The following SSH2 variants were observed in gnomAD, a reference collection of about 807,000 sequenced individuals.
SSH2 encodes the protein protein phosphatase Slingshot homolog 2.
A neutral mutation model predicts 135.2 loss-of-function variants in SSH2; 37 were observed. The ratio of observed to expected loss-of-function variants is 0.27; its 90% CI spans 0.21 to 0.36. The LOEUF is 0.36. Ranked by LOEUF, SSH2 falls within the 10% of genes least tolerant of loss-of-function variation. The pLI is 1.00. For missense variants in SSH2, 1,408 were observed against 1,765.3 expected (o/e 0.80, Z 3.63); for synonymous variants, 628 against 646.2 (o/e 0.97, Z 0.43).
At chr17:29,925,705 T>C (rs2151491224) in intron 1 of SSH2, 1 of 296,938 alleles carries the variant, frequency 3.4e-6, no homozygotes, top group African/African-American at 2.3e-5. Context: ...AGACCCCATC[T>C]AAAAAAAAAA....
chr17:29,791,006 G>C (rs2042055617), intron 3 of SSH2, among the ~76,000 whole-genome samples: 2 of 152,086 alleles, frequency 1.3e-5, no homozygotes, highest in Non-Finnish European at 1.5e-5. Context: ...GGGATTACAG[G>C]TGTGAGCCAC....
In SSH2 at chr17:29,652,744, C is replaced by T. The variant is rs184895556; in HGVS notation, c.1080-1944G>A. Among the ~76,000 whole-genome samples the T allele has an allele frequency of 1.1e-3, 168 of 152,208 alleles. 1 individual carries two copies. Among genetic ancestry groups the T allele is most frequent in the African/African-American group, 3.9e-3 (161 of 41,530 alleles). On this transcript the variant is annotated intron_variant, in intron 12 of 15. Coordinates refer to ENST00000540801, the MANE Select transcript of SSH2 (RefSeq NM_001282129.2). ...CACGATCTTGGCTCTCTGCAACCTC[C>T]GCCTCCCCGTTCAAGCAATTCTCCT...
chr17:29,665,990 C>T (rs1264588262), intron 11 of SSH2, among the ~76,000 whole-genome samples: 1 of 152,190 alleles, frequency 6.6e-6, no homozygotes, highest in East Asian at 1.9e-4. Context: ...CAGCTCTGCT[C>T]AGATATATCA....
chr17:29,812,687 G>A (rs568864563), intron 2 of SSH2, among the ~76,000 whole-genome samples: 1 of 152,002 alleles, frequency 6.6e-6, no homozygotes, highest in East Asian at 1.9e-4. Flanking sequence ...TCAGGAGATC[G>A]AGACCATCCT....
At chr17:29,766,996 C>T (rs574553309) in intron 3 of SSH2, among the ~76,000 whole-genome samples, 2 of 152,258 alleles carry the variant, frequency 1.3e-5, no homozygotes, top group South Asian at 4.1e-4. Context: ...TCATGTTTTG[C>T]AATCACCATG....
chr17:29,856,805 T>G (rs1195032514), intron 1 of SSH2, among the ~76,000 whole-genome samples: 1 of 152,158 alleles, frequency 6.6e-6, no homozygotes, highest in Non-Finnish European at 1.5e-5. Flanking sequence ...TAGATGTTCT[T>G]TCTCCAAAAT....
intron 8 of SSH2, among the ~76,000 whole-genome samples, chr17:29,674,888 C>A (rs769111732): frequency 4.6e-4 from 70 of 152,180 alleles, no homozygotes; most frequent in Non-Finnish European, 8.4e-4. Context: ...GCAAAGCCAT[C>A]CTGGGCTGCA....
intron 11 of SSH2, among the ~76,000 whole-genome samples, chr17:29,657,013 C>A (rs1360304913): frequency 2.6e-5 from 4 of 152,176 alleles, no homozygotes; most frequent in African/African-American, 7.2e-5. Context: ...GTCACCCAGG[C>A]TACAGGGCAG....
At chr17:29,906,515 G>T (rs976350511) in intron 1 of SSH2, among the ~76,000 whole-genome samples, 2 of 152,138 alleles carry the variant, frequency 1.3e-5, no homozygotes, top group East Asian at 3.8e-4. Flanking sequence ...TGACAAATGG[G>T]ATCTAACTAA....
chr17:29,761,428 G>C, intron 3 of SSH2: 2 of 1,010,006 alleles, frequency 2.0e-6, no homozygotes, highest in Non-Finnish European at 2.4e-6. Flanking sequence ...GGTAGAGTCC[G>C]GACTGACGGG....
At chr17:29,701,356 C>T (rs1003914449) in intron 4 of SSH2, among the ~76,000 whole-genome samples, 2 of 151,336 alleles carry the variant, frequency 1.3e-5, no homozygotes, top group Non-Finnish European at 2.9e-5. Context: ...ATCCACCTGC[C>T]TCGGCCTCCC....
intron 3 of SSH2, chr17:29,787,755 AG>A (rs1370351424): frequency 6.6e-6 from 1 of 150,382 alleles, no homozygotes; most frequent in Non-Finnish European, 1.5e-5. Flanking sequence ...TTTAAGAGAC[AG>A]GGTCTTGTAC....
At position 29,662,960 on chromosome 17, in the gene SSH2, A is replaced by G. The variant is rs766234094; in HGVS notation, c.1032+3907T>C. 2.0e-5 allele frequency among the ~76,000 whole-genome samples: 3 copies of G among 152,336 alleles called. No homozygotes were observed. In the South Asian group the frequency reaches 6.2e-4, roughly 32 times the overall value. On this transcript the variant is annotated intron_variant, in intron 11 of 15. Coordinates refer to ENST00000540801, the MANE Select transcript of SSH2 (RefSeq NM_001282129.2). Reference sequence around the variant, plus strand: ...TTTTCTGCAAAGGGTCTCTATCAACATCTAGCTTTTTCTCAGCCAAATCGG... The same window carrying G: ...TTTTCTGCAAAGGGTCTCTATCAACGTCTAGCTTTTTCTCAGCCAAATCGG...
intron 3 of SSH2, among the ~76,000 whole-genome samples, chr17:29,718,489 T>C (rs1471786874): frequency 1.3e-5 from 2 of 152,148 alleles, no homozygotes; most frequent in Non-Finnish European, 2.9e-5. Flanking sequence ...CAGGAACAGC[T>C]TAGCTGGATG....
intron 2 of SSH2, among the ~76,000 whole-genome samples, chr17:29,796,550 C>T (rs891624195): frequency 1.9e-4 from 29 of 152,066 alleles, no homozygotes; most frequent in African/African-American, 7.0e-4. Flanking sequence ...CCATGTTGGC[C>T]AGGCTGGTCT....
At chr17:29,709,013 TATAG>T (rs1555617803) in intron 3 of SSH2, among the ~76,000 whole-genome samples, 59 of 88,156 alleles carry the variant, frequency 6.7e-4, no homozygotes, top group Non-Finnish European at 9.0e-4. Flanking sequence ...TATATATATA[TATAG>T]AGAGAGAGAG....
chr17:29,712,984 T>C (rs1329140917), intron 3 of SSH2, among the ~76,000 whole-genome samples: 8 of 152,232 alleles, frequency 5.3e-5, no homozygotes, highest in African/African-American at 9.6e-5. Context: ...CTGTGTTCGA[T>C]GTTATTACAA....
chr17:29,787,160 A>G (rs114361595), intron 3 of SSH2, among the ~76,000 whole-genome samples: 57 of 152,224 alleles, frequency 3.7e-4, no homozygotes, highest in African/African-American at 1.3e-3. Flanking sequence ...TCCATCCCCC[A>G]GTCACCATTA....
chr17:29,815,295 T>A (rs2042537423), intron 2 of SSH2, among the ~76,000 whole-genome samples: 1 of 152,154 alleles, frequency 6.6e-6, no homozygotes, highest in Admixed American at 6.5e-5. Flanking sequence ...AGCTAACTTT[T>A]GTATTTTTAG....
Sources: gnomAD v4.1 joint callset for allele counts (sites outside exome capture counted in the v4.1 genomes callset) on GRCh38, gnomAD v4.1.1 for gene constraint, MANE v1.5 for transcripts, NCBI Gene and HGNC (gene_info 2026-07-23, HGNC 2026-07-21) for gene names.